The following ZNF638 variants were observed in gnomAD, a reference collection of about 807,000 sequenced individuals.
The protein encoded by ZNF638 is zinc finger protein 638.
ZNF638 carries 46 observed loss-of-function variants against 195.6 expected under a neutral mutation model. The ratio of observed to expected loss-of-function variants is 0.24; its 90% CI spans 0.19 to 0.30. ZNF638 has a LOEUF of 0.30. ZNF638 is among the 10% of genes least tolerant of loss of function. The pLI, the probability that ZNF638 is intolerant of heterozygous loss-of-function variation, is 1.00. For synonymous variants in ZNF638, 845 were observed against 772.0 expected, an observed-to-expected ratio of 1.09 and a Z score of -1.57; for missense variants, 2,440 against 2,325.3, an observed-to-expected ratio of 1.05 and a Z score of -1.01.
intron 6 of ZNF638, 149 bp downstream of exon 6, chr2:71,365,855 C>A: frequency 2.5e-6 from 2 of 790,332 alleles, no homozygotes; most frequent in Non-Finnish European, 3.9e-6. Context: ...AAGTAGCTGG[C>A]ACCACAGGCG....
chr2:71,336,226 C>T (rs1361119538), intron 1 of ZNF638, among the ~76,000 whole-genome samples: 1 of 151,988 alleles, frequency 6.6e-6, no homozygotes, highest in Non-Finnish European at 1.5e-5. Flanking sequence ...ACAAAATTAG[C>T]TGGGGTGGTG....
rs767319965 is a variant in ZNF638, at chr2:71,426,576, C to T, written c.4707C>T (p.Leu1569=). Residue 1569 remains leucine, a synonymous_variant, in exon 24 of 28, where the codon CTC becomes CTT. Transcript: ENST00000264447. The part of the protein sequence containing the change: ...NPLKGKRKET[L]KNVPFSELNL... Reference sequence around the variant, plus strand: ...TAAAGGGAAAAAGGAAAGAAACTCTCAAAAATGTTCCTTTCTCTGAACTTA... The same window carrying T: ...TAAAGGGAAAAAGGAAAGAAACTCTTAAAAATGTTCCTTTCTCTGAACTTA... 3 of 1,614,096 alleles carry T rather than the reference C, an allele frequency of 1.9e-6. No homozygotes were observed. Among genetic ancestry groups the T allele is most frequent in the South Asian group, 2.2e-5 (2 of 91,070 alleles).
rs556588613 is a variant in ZNF638, at chr2:71,417,210, G to T, written c.3262-1392G>T. On this transcript the variant is annotated intron_variant, in intron 20 of 27. Coordinates refer to ENST00000264447, the MANE Select transcript of ZNF638 (RefSeq NM_014497.5). The stretch of plus-strand genomic sequence containing the variant: ...CGTTTCTTAAGCTGGTCTGAAAAGC[G>T]CAATATTCGGGTGGGAGTGACCCGA... 1.2e-3 allele frequency among the ~76,000 whole-genome samples: 182 copies of T among 151,926 alleles called. 2 individuals carry two copies. The highest frequency in any genetic ancestry group is 4.1e-3 in the African/African-American group (169 of 41,410).
intron 1 of ZNF638, among the ~76,000 whole-genome samples, chr2:71,339,971 GGT>G (rs1452922118): frequency 4.6e-5 from 7 of 152,150 alleles, no homozygotes; most frequent in Admixed American, 3.9e-4. Context: ...GAAATAAAAA[GGT>G]ATATCTTACA....
rs1230655464 is a variant in ZNF638, at chr2:71,426,599, T to C, written c.4730T>C (p.Leu1577Pro). The C allele has an allele frequency of 1.2e-6, 2 of 1,614,140 alleles. No individual in the cohort carries two copies. Among genetic ancestry groups the C allele is most frequent in the Non-Finnish European group, 1.7e-6 (2 of 1,180,012 alleles). ...CTCAAAAATGTTCCTTTCTCTGAAC[T>C]TAACTTAAAGAAGAAAAAGGGGAAA... ...ETLKNVPFSELNLKKKKGKTS... is the reference protein window; with the variant it reads ...ETLKNVPFSEPNLKKKKGKTS... Residue 1577 changes from leucine (L) to proline (P), a missense_variant, in exon 24 of 28, where the codon CTT becomes CCT. Leu to Pro is a moderately conservative substitution (Grantham distance 98, BLOSUM62 -3). Around this residue, in one of 5 missense-constraint regions of ZNF638, gnomAD observed 1,883 missense variants for 1,739.1 expected, o/e 1.08. Coordinates refer to ENST00000264447, the MANE Select transcript of ZNF638 (RefSeq NM_014497.5).
chr2:71,400,544 C>G, intron 15 of ZNF638, 26 bp downstream of exon 15: 8 of 1,576,686 alleles, frequency 5.1e-6, no homozygotes, highest in Non-Finnish European at 6.9e-6. Flanking sequence ...TTATTTATTT[C>G]TTTAAAGCTC....
intron 8 of ZNF638, among the ~76,000 whole-genome samples, chr2:71,371,205 A>G (rs1025204042): frequency 1.3e-5 from 2 of 152,158 alleles, no homozygotes; most frequent in Non-Finnish European, 2.9e-5. Flanking sequence ...AGAGTACTCC[A>G]TTGTGTTATG....
chr2:71,366,633 T>G (rs1244570182), intron 6 of ZNF638, among the ~76,000 whole-genome samples: 2 of 152,170 alleles, frequency 1.3e-5, no homozygotes, highest in Non-Finnish European at 1.5e-5. Flanking sequence ...ATTGGGAAAA[T>G]GAATAATCAC....
intron 3 of ZNF638, among the ~76,000 whole-genome samples, chr2:71,359,868 T>A (rs2079080480): frequency 6.6e-6 from 1 of 152,196 alleles, no homozygotes; most frequent in Admixed American, 6.5e-5. Context: ...TTCTGGATTA[T>A]GATACAAGAG....
intron 23 of ZNF638, among the ~76,000 whole-genome samples, chr2:71,425,220 AT>A (rs1016422053): frequency 1.9e-4 from 29 of 152,152 alleles, no homozygotes; most frequent in South Asian, 4.2e-4. Context: ...CATTCATAGA[AT>A]TTTTTTCAGT....
At position 71,387,664 on chromosome 2, in the gene ZNF638, A is replaced by C. The variant is rs1028954356; in HGVS notation, c.2377+7099A>C. On this transcript the variant is annotated intron_variant, in intron 10 of 27. Transcript: ENST00000264447. ...TGGGCAACAGAGCAAGACTCTCTCA[A>C]AAAAAAAAAAGTAAAAGTGCTTATA... 7.1e-4 allele frequency among the ~76,000 whole-genome samples: 8 copies of C among 11,218 alleles called. 1 individual carries two copies. The South Asian group carries it at 8.4e-3, about 12-fold the overall frequency. 7.4% of individuals were successfully genotyped at this position (11,218 alleles called of 152,430 possible). A position where few individuals can be genotyped will look rare whatever the true frequency, so the allele number is the denominator to read the frequency against.
In ZNF638 at chr2:71,431,447, T is replaced by C; in HGVS notation, c.5752+19T>C. ...CCTGAGGGTAAAGTTAAAATGACAT[T>C]TTTTTCTTACCCATATGAAATTTAA... On this transcript the variant is annotated intron_variant, in intron 26 of 27. Transcript: ENST00000264447. The C allele has an allele frequency of 1.2e-6, 2 of 1,609,206 alleles. No individual in the cohort carries two copies. The highest frequency in any genetic ancestry group is 1.7e-6 in the Non-Finnish European group (2 of 1,176,358).
chr2:71,343,513 A>G (rs2078799210), intron 1 of ZNF638, among the ~76,000 whole-genome samples: 2 of 152,202 alleles, frequency 1.3e-5, no homozygotes, highest in South Asian at 4.1e-4. Context: ...AACAACAAAA[A>G]TCAGTGTTTA....
chr2:71,340,233 CTG>C (rs1470838252), intron 1 of ZNF638, among the ~76,000 whole-genome samples: 1 of 152,140 alleles, frequency 6.6e-6, no homozygotes, highest in African/African-American at 2.4e-5. Context: ...GTTTCATTGA[CTG>C]TTTCTTTGAA....
intron 2 of ZNF638, among the ~76,000 whole-genome samples, chr2:71,355,123 A>C (rs13035834): frequency 0.85 from 128,582 of 152,064 alleles, 55,167 homozygotes; most frequent in Non-Finnish European, 0.88. Context: ...TGCCCGCCAC[A>C]ACGCCTGGCT....
At chr2:71,410,367 TG>T (rs2080187574) in intron 20 of ZNF638, among the ~76,000 whole-genome samples, 1 of 147,596 alleles carries the variant, frequency 6.8e-6, no homozygotes, top group Admixed American at 7.1e-5. Flanking sequence ...ATTTGATTTT[TG>T]ATTTTTTTTT....
At position 71,348,819 on chromosome 2, in the gene ZNF638, AC is replaced by A; in HGVS notation, c.-135del. ...CCTTGAACCTGGGCATTGCAAACCC[AC>A]TTCTGTTGGGCCCATCTCCTTTGCA... On this transcript the variant is annotated 5_prime_UTR_variant, in exon 2 of 28. Coordinates refer to ENST00000264447, the MANE Select transcript of ZNF638 (RefSeq NM_014497.5). 6.3e-7 allele frequency: 1 copy of A among 1,595,238 alleles called. No individual in the cohort carries two copies. Among genetic ancestry groups the A allele is most frequent in the South Asian group, 1.1e-5 (1 of 88,982 alleles).
At chr2:71,390,648 A>G (rs2079754138) in intron 10 of ZNF638, among the ~76,000 whole-genome samples, 1 of 152,148 alleles carries the variant, frequency 6.6e-6, no homozygotes, top group South Asian at 2.1e-4. Context: ...GTGTATTGGA[A>G]CCAGTTAATC....
intron 10 of ZNF638, among the ~76,000 whole-genome samples, chr2:71,391,534 C>CTT (rs962476907): frequency 3.9e-5 from 6 of 152,158 alleles, no homozygotes; most frequent in African/African-American, 1.4e-4. Flanking sequence ...AGAGCCAATA[C>CTT]TTTTGAGTTT....
Sources: gnomAD v4.1 joint callset for allele counts (sites outside exome capture counted in the v4.1 genomes callset) on GRCh38, gnomAD v4.1.1 for gene constraint, gnomAD v4.1.1 regional missense constraint, MANE v1.5 for transcripts, NCBI Gene and HGNC (gene_info 2026-07-23, HGNC 2026-07-21) for gene names.